POGZ: variants seen among roughly 807,000 people sequenced by gnomAD.
POGZ encodes pogo transposable element derived with ZNF domain, also known as pogo transposable element with ZNF domain.
Under a neutral mutation model 134.6 loss-of-function variants are expected in POGZ, and 17 were observed. The observed-to-expected ratio is 0.13, with a 90% confidence interval of 0.09 to 0.19. The LOEUF is 0.19. Among genes scored for constraint, POGZ ranks in the 10% least tolerant of loss-of-function variants. POGZ has a pLI of 1.00. For missense variants in POGZ, 1,306 were observed against 1,769.7 expected, an observed-to-expected ratio of 0.74 and a Z score of 4.70; for synonymous variants, 693 against 657.1, an observed-to-expected ratio of 1.05 and a Z score of -0.84.
At chr1:151,453,183 G>A (rs1662350653) in intron 1 of POGZ, among the ~76,000 whole-genome samples, 1 of 151,980 alleles carries the variant, frequency 6.6e-6, no homozygotes, top group African/African-American at 2.4e-5. Flanking sequence ...GCCTCCCAAA[G>A]TGCTTCGGTT....
At position 151,424,034 on chromosome 1, in the gene POGZ, T is replaced by C. The variant is rs1396915150; in HGVS notation, c.1438A>G (p.Lys480Glu). Residue 480 changes from lysine to glutamate, a missense_variant, in exon 9 of 19, where the codon AAA (lysine) becomes GAA (glutamate). Physicochemically the swap from Lys to Glu is moderately conservative, Grantham distance 56. Around this residue, in one of 10 missense-constraint regions of POGZ, gnomAD observed 541 missense variants for 680.5 expected, o/e 0.80. Transcript: ENST00000271715. ...GGGAAATTTGTGAGCTGGGCTACTT[T>C]GCCACCATCCCGTCCATAGTAGAAG... ...DDFYYGRDGG[K>E]VAQLTNFPKV... 6.2e-7 allele frequency: 1 copy of C among 1,614,204 alleles called. No individual in the cohort carries two copies. Among genetic ancestry groups the C allele is most frequent in the Non-Finnish European group, 8.5e-7 (1 of 1,180,022 alleles).
At chr1:151,431,144 AT>A (rs1418585428) in intron 3 of POGZ, among the ~76,000 whole-genome samples, 8 of 152,108 alleles carry the variant, frequency 5.3e-5, no homozygotes, top group Non-Finnish European at 1.2e-4. Flanking sequence ...CTCAGGTTTA[AT>A]GTGACCAAAC....
intron 1 of POGZ, among the ~76,000 whole-genome samples, chr1:151,454,380 ATAGT>A (rs1353349647): frequency 1.3e-5 from 2 of 152,206 alleles, no homozygotes; most frequent in African/African-American, 4.8e-5. Flanking sequence ...GTATAAAACT[ATAGT>A]TAAACATGTA....
chr1:151,458,610 G>T (rs1663067835), intron 1 of POGZ, among the ~76,000 whole-genome samples: 1 of 141,884 alleles, frequency 7.0e-6, no homozygotes, highest in Non-Finnish European at 1.6e-5. Context: ...CTCCGCCGCC[G>T]CCCGCCCCTC....
chr1:151,431,644 A>C (rs1018544307), intron 3 of POGZ, among the ~76,000 whole-genome samples: 1 of 152,200 alleles, frequency 6.6e-6, no homozygotes, highest in African/African-American at 2.4e-5. Context: ...ACCCACACCA[A>C]GTAAAAATGA....
chr1:151,419,525 T>C (rs912743318), intron 10 of POGZ, among the ~76,000 whole-genome samples: 4 of 151,398 alleles, frequency 2.6e-5, no homozygotes, highest in African/African-American at 9.7e-5. Flanking sequence ...CAAAATTAGC[T>C]GGGCATAGTG....
At position 151,406,472 on chromosome 1, in the gene POGZ, G is replaced by A. The variant is rs778939366; in HGVS notation, c.2571-8C>T. The A allele has an allele frequency of 5.1e-6, 8 of 1,556,358 alleles. No individual in the cohort carries two copies. The Admixed American group carries it at 8.1e-5, about 16-fold the overall frequency. On this transcript the variant is annotated splice_polypyrimidine_tract_variant and splice_region_variant and intron_variant, in intron 18 of 18. Coordinates refer to ENST00000271715, the MANE Select transcript of POGZ (RefSeq NM_015100.4). ...TCACGAGTCTGGCCATGCCTAAAGG[G>A]GTGAGGAGCAAAGAGAAGAGGAGAA...
chr1:151,458,223 G>A (rs1016392954), intron 1 of POGZ, among the ~76,000 whole-genome samples: 1 of 151,990 alleles, frequency 6.6e-6, no homozygotes, highest in African/African-American at 2.4e-5. Flanking sequence ...GCAGAAAGAC[G>A]GAAAACAAAT....
intron 1 of POGZ, among the ~76,000 whole-genome samples, chr1:151,444,305 A>C (rs1660966930): frequency 6.6e-6 from 1 of 152,240 alleles, no homozygotes; most frequent in East Asian, 1.9e-4. Context: ...CTGAATTAAA[A>C]AGAAATCAAA....
chr1:151,412,386 C>G lies in POGZ; in HGVS notation c.1689G>C (p.Lys563Asn). ...CACTTTCAAACGCCCATTCACAGAT[C>G]TTGCACTTGGCTGTAAGAAGAAAAG... ...HSPYESTTKCKICEWAFESEP... is the reference protein window; with the variant it reads ...HSPYESTTKCNICEWAFESEP... The change falls in exon 11 of 19, where the codon AAG becomes AAC. Residue 563 changes from lysine to asparagine, a missense_variant. Physicochemically the swap from Lys to Asn is moderately conservative, Grantham distance 94 (BLOSUM62 0). Around this residue, in one of 10 missense-constraint regions of POGZ, gnomAD observed 149 missense variants for 237.5 expected, o/e 0.63. Transcript: ENST00000271715. 6.3e-7 allele frequency: 1 copy of G among 1,595,156 alleles called. No individual in the cohort carries two copies. The highest frequency in any genetic ancestry group is 8.6e-7 in the Non-Finnish European group (1 of 1,163,468).
chr1:151,407,329 C>A, intron 15 of POGZ, 38 bp from the exon 16 acceptor site: 1 of 1,458,800 alleles, frequency 6.9e-7, no homozygotes, highest in South Asian at 1.2e-5. Context: ...TTACGGAGTT[C>A]TGCTGGCTAA....
chr1:151,438,305 T>C (rs1225374705), intron 3 of POGZ, among the ~76,000 whole-genome samples: 2 of 152,122 alleles, frequency 1.3e-5, no homozygotes. Context: ...TAAAATAAAT[T>C]AGACAACTGC....
At position 151,403,722 on chromosome 1, in the gene POGZ, G is replaced by A. The variant is rs1010188867; in HGVS notation, c.*1080C>T. The A allele has an allele frequency of 1.6e-5, 16 of 985,696 alleles. No homozygotes were observed. The Admixed American group carries it at 1.8e-4, about 11-fold the overall frequency. The allele number at this position is 985,696 out of a possible 1,614,324, so 61.1% of individuals were successfully genotyped here. A position where few individuals can be genotyped will look rare whatever the true frequency, so the allele number is the denominator to read the frequency against. ...GAAATAGGGGAAAGCCACAGAGCAC[G>A]CTGGATTTCAACAAGTGGTCTTGTC... On this transcript the variant is annotated 3_prime_UTR_variant, in exon 19 of 19. Transcript: ENST00000271715.
chr1:151,404,665 T>C lies in POGZ; in HGVS notation c.*137A>G. On this transcript the variant is annotated 3_prime_UTR_variant, in exon 19 of 19. Transcript: ENST00000271715. ...AATCCACAGGGAAGTGTAAGTCAAC[T>C]TCAGGGGGGAGTGGTGGTATAAAAT... The C allele has an allele frequency of 7.1e-7, 1 of 1,412,368 alleles. No individual in the cohort carries two copies. Among genetic ancestry groups the C allele is most frequent in the South Asian group, 1.7e-5 (1 of 60,144 alleles). The allele number at this position is 1,412,368 out of a possible 1,614,324, so 87.5% of individuals were successfully genotyped here.
At chr1:151,407,124 TCTC>T (rs1232417794) in intron 16 of POGZ, 101 bp from the exon 17 acceptor site, 17 of 1,211,908 alleles carry the variant, frequency 1.4e-5, no homozygotes, top group Non-Finnish European at 1.8e-5. Context: ...CCTCCCACTT[TCTC>T]CTTTTTCTGA....
Position 151,429,623 on chromosome 1 carries a change from C to T in POGZ, c.548G>A (p.Arg183Lys). The T allele has an allele frequency of 6.2e-7, 1 of 1,602,594 alleles. No homozygotes were observed. Among genetic ancestry groups the T allele is most frequent in the Non-Finnish European group, 8.5e-7 (1 of 1,169,740 alleles). Residue 183 changes from arginine to lysine, a missense_variant, in exon 5 of 19, where the codon AGA (arginine) becomes AAA (lysine). By Grantham distance (26) the Arg-to-Lys change is conservative. Transcript: ENST00000271715. ...VLNVQQGQTV[R>K]PITLVPAPGT... is the part of the protein sequence containing the mutation. Reference sequence around the variant, plus strand: ...CTTACCTGGAACTAGTGTAATTGGTCTAACCGTTTGGCCTTGCTGTACGTT... The same window carrying T: ...CTTACCTGGAACTAGTGTAATTGGTTTAACCGTTTGGCCTTGCTGTACGTT...
At chr1:151,430,083 A>T (rs1313485581) in intron 4 of POGZ, among the ~76,000 whole-genome samples, 4 of 152,120 alleles carry the variant, frequency 2.6e-5, no homozygotes, top group Non-Finnish European at 5.9e-5. Context: ...TCAACATACA[A>T]ACAATCCTAA....
Position 151,403,043 on chromosome 1 carries a change from T to A in POGZ, c.*1759A>T, listed in dbSNP as rs1185403420. On this transcript the variant is annotated 3_prime_UTR_variant, in exon 19 of 19. Coordinates refer to ENST00000271715, the MANE Select transcript of POGZ (RefSeq NM_015100.4). ...TCAAAGGCAAAGGCTGACTTCAAAG[T>A]CCATTGTCTGTCAATAAAATGGCAT... 1 of 175,280 alleles carries A rather than the reference T, an allele frequency of 5.7e-6. No homozygotes were observed. Among genetic ancestry groups the A allele is most frequent in the Non-Finnish European group, 1.1e-5 (1 of 88,722 alleles). 10.9% of individuals were successfully genotyped at this position (175,280 alleles called of 1,614,324 possible). A position where few individuals can be genotyped will look rare whatever the true frequency, so the allele number is the denominator to read the frequency against.
intron 10 of POGZ, among the ~76,000 whole-genome samples, chr1:151,420,457 T>C (rs1347967108): frequency 1.3e-5 from 2 of 152,220 alleles, no homozygotes; most frequent in South Asian, 2.1e-4. Flanking sequence ...GCTACGACTA[T>C]AGGCGTGCGC....
Sources: allele counts gnomAD v4.1 joint callset (sites outside exome capture counted in the v4.1 genomes callset), GRCh38; gene constraint gnomAD v4.1.1; regional missense constraint gnomAD v4.1.1; transcripts MANE v1.5; gene names NCBI Gene and HGNC (gene_info 2026-07-23, HGNC 2026-07-21).